Variants in GRAP2 observed in about 807,000 individuals in gnomAD.
GRAP2 encodes the protein GRB2-related adapter protein 2.
Under a neutral mutation model 43.5 loss-of-function variants are expected in GRAP2, and 31 were observed. That is an observed-to-expected ratio of 0.71 (90% CI 0.54 to 0.96). GRAP2 has a LOEUF of 0.96. GRAP2 is among the 40% of genes least tolerant of loss of function. The pLI, the probability that GRAP2 is intolerant of heterozygous loss-of-function variation, is 0.00. For synonymous variants in GRAP2, 156 were observed against 164.8 expected (o/e 0.95, Z 0.41); for missense variants, 371 against 424.4 (o/e 0.87, Z 1.11).
chr22:39,946,287 A>T (rs1371896686), intron 1 of GRAP2, among the ~76,000 whole-genome samples: 1 of 152,222 alleles, frequency 6.6e-6, no homozygotes. Flanking sequence ...CTATCTACCA[A>T]CAAAACTGGG....
chr22:39,947,625 C>T (rs2066937814), intron 2 of GRAP2: 2 of 161,424 alleles, frequency 1.2e-5, no homozygotes, highest in African/African-American at 4.8e-5. Flanking sequence ...GCGCCAGGCT[C>T]AGCAGAGCTG....
chr22:39,932,397 A>G (rs903176965), intron 1 of GRAP2, among the ~76,000 whole-genome samples: 7 of 152,068 alleles, frequency 4.6e-5, no homozygotes, highest in Non-Finnish European at 8.8e-5. Flanking sequence ...GTTGTTAGCT[A>G]TTAAGGACTA....
intron 1 of GRAP2, among the ~76,000 whole-genome samples, chr22:39,915,583 C>T (rs1331250522): frequency 6.6e-6 from 1 of 152,166 alleles, no homozygotes. Flanking sequence ...CACAATAAGA[C>T]TGCTATTGGA....
At chr22:39,914,909 C>T (rs368458111) in intron 1 of GRAP2, among the ~76,000 whole-genome samples, 1 of 151,996 alleles carries the variant, frequency 6.6e-6, no homozygotes, top group Non-Finnish European at 1.5e-5. Flanking sequence ...TCATTTTAGG[C>T]CAGGCACGGT....
chr22:39,947,263 T>C, intron 2 of GRAP2, 79 bp downstream of exon 2: 1 of 795,068 alleles, frequency 1.3e-6, no homozygotes, highest in Non-Finnish European at 2.3e-6. Context: ...CTTTGTCTCT[T>C]AAGAACTGCA....
chr22:39,969,728 A>G (rs1274634881), intron 7 of GRAP2, among the ~76,000 whole-genome samples, 195 bp downstream of exon 7: 4 of 152,222 alleles, frequency 2.6e-5, no homozygotes, highest in African/African-American at 7.2e-5. Context: ...AGCCTGGCCA[A>G]CATGGTGAAA....
At chr22:39,940,569 T>C (rs1031729260) in intron 1 of GRAP2, among the ~76,000 whole-genome samples, 4 of 152,096 alleles carry the variant, frequency 2.6e-5, no homozygotes, top group African/African-American at 7.2e-5. Flanking sequence ...CAATGCCCAA[T>C]AAGAGGTAAT....
chr22:39,965,614 T>A (rs535021342), intron 4 of GRAP2, among the ~76,000 whole-genome samples: 2 of 152,328 alleles, frequency 1.3e-5, no homozygotes, highest in South Asian at 4.1e-4. Flanking sequence ...AGAAAGATAA[T>A]AGGAGCTTGA....
intron 1 of GRAP2, among the ~76,000 whole-genome samples, chr22:39,933,079 G>A (rs1403993116): frequency 1.3e-5 from 2 of 152,226 alleles, no homozygotes; most frequent in African/African-American, 4.8e-5. Context: ...TGGGGTATGA[G>A]GGGGGCAGGC....
At chr22:39,904,617 CTCTA>C (rs2145566413) in intron 1 of GRAP2, among the ~76,000 whole-genome samples, 1 of 152,264 alleles carries the variant, frequency 6.6e-6, no homozygotes, top group South Asian at 2.1e-4. Flanking sequence ...AAAGGCATTC[CTCTA>C]TCTAACCACA....
chr22:39,966,617 G>A (rs2067177204), intron 5 of GRAP2, among the ~76,000 whole-genome samples: 1 of 152,188 alleles, frequency 6.6e-6, no homozygotes, highest in Non-Finnish European at 1.5e-5. Context: ...TAGAGTTCAG[G>A]AGTTAAATCA....
chr22:39,918,960 A>G (rs903891274), intron 1 of GRAP2, among the ~76,000 whole-genome samples: 3 of 152,222 alleles, frequency 2.0e-5, no homozygotes, highest in African/African-American at 7.2e-5. Flanking sequence ...GCTGAAATAT[A>G]CTACATCAAA....
chr22:39,935,438 A>G (rs939721366), intron 1 of GRAP2, among the ~76,000 whole-genome samples: 19 of 152,222 alleles, frequency 1.2e-4, no homozygotes, highest in African/African-American at 4.6e-4. Context: ...GCAAGTAAAA[A>G]GAAAGAGAAC....
At chr22:39,929,600 C>G (rs906563815) in intron 1 of GRAP2, among the ~76,000 whole-genome samples, 2 of 152,178 alleles carry the variant, frequency 1.3e-5, no homozygotes, top group Non-Finnish European at 2.9e-5. Flanking sequence ...TCCTGCTGAA[C>G]AAATGAACTC....
intron 4 of GRAP2, among the ~76,000 whole-genome samples, chr22:39,961,877 G>A (rs2067123341): frequency 6.6e-6 from 1 of 152,200 alleles, no homozygotes; most frequent in African/African-American, 2.4e-5. Context: ...TTGCTGTTTA[G>A]AAAGAATGGA....
chr22:39,971,367 A>C lies in GRAP2; in HGVS notation c.*283A>C. ...GGAGGGGGGCAGGGAAATGAAATGG[A>C]GTTTTGTCCTGGCCTTCAGCTGTCA... is the stretch of plus-strand genomic sequence containing the variant. On this transcript the variant is annotated 3_prime_UTR_variant, in exon 8 of 8. Transcript: ENST00000344138. 2.4e-6 allele frequency: 1 copy of C among 419,202 alleles called. No homozygotes were observed. The highest frequency in any genetic ancestry group is 3.6e-5 in the South Asian group (1 of 27,598). The allele number at this position is 419,202 out of a possible 1,614,324, so 26.0% of individuals were successfully genotyped here.
At chr22:39,929,930 C>A (rs1237439641) in intron 1 of GRAP2, among the ~76,000 whole-genome samples, 1 of 152,174 alleles carries the variant, frequency 6.6e-6, no homozygotes, top group African/African-American at 2.4e-5. Context: ...ACTCAAGAGT[C>A]GTTCTAGACC....
At chr22:39,914,400 C>T (rs1235216281) in intron 1 of GRAP2, among the ~76,000 whole-genome samples, 1 of 152,136 alleles carries the variant, frequency 6.6e-6, no homozygotes, top group Non-Finnish European at 1.5e-5. Flanking sequence ...AATGGGATAG[C>T]TCTAATGTGA....
At chr22:39,957,473 C>G (rs1225387980) in intron 3 of GRAP2, among the ~76,000 whole-genome samples, 3 of 152,212 alleles carry the variant, frequency 2.0e-5, no homozygotes, top group Non-Finnish European at 4.4e-5. Flanking sequence ...AACAGTCGGC[C>G]TTTCCTGCAG....
Sources: allele counts gnomAD v4.1 joint callset (sites outside exome capture counted in the v4.1 genomes callset), GRCh38; gene constraint gnomAD v4.1.1; transcripts MANE v1.5; gene names NCBI Gene and HGNC (gene_info 2026-07-23, HGNC 2026-07-21).